The following CD200R1 variants were observed in gnomAD, a reference collection of about 807,000 sequenced individuals.
The protein encoded by CD200R1 is cell surface glycoprotein CD200 receptor 1.
CD200R1 carries 30 observed loss-of-function variants against 38.1 expected under a neutral mutation model. The observed-to-expected ratio is 0.79, with a 90% CI of 0.59 to 1.07. CD200R1 has a LOEUF of 1.07. CD200R1 is among the 50% of genes least tolerant of loss of function. The pLI is 0.00. For missense variants in CD200R1, 372 were observed against 415.4 expected, an observed-to-expected ratio of 0.90 and a Z score of 0.91; for synonymous variants, 128 against 152.1, an observed-to-expected ratio of 0.84 and a Z score of 1.16.
chr3:112,960,227 C>G (rs992064096), intron 1 of CD200R1, among the ~76,000 whole-genome samples: 17 of 151,984 alleles, frequency 1.1e-4, no homozygotes, highest in African/African-American at 3.9e-4. Flanking sequence ...AACACAGAAA[C>G]TTTTACTATG....
At chr3:112,928,772 A>T in intron 5 of CD200R1, 44 bp downstream of exon 5, 1 of 1,467,880 alleles carries the variant, frequency 6.8e-7, no homozygotes. Flanking sequence ...ACTCTTTTAA[A>T]AGAATGGAAA....
chr3:112,965,032 C>T (rs1351950777), intron 1 of CD200R1, among the ~76,000 whole-genome samples: 1 of 152,182 alleles, frequency 6.6e-6, no homozygotes, highest in South Asian at 2.1e-4. Context: ...ATTATAAGAC[C>T]TTCCCAGCCA....
intron 2 of CD200R1, among the ~76,000 whole-genome samples, chr3:112,933,025 G>A (rs115177771): frequency 0.021 from 3,264 of 152,232 alleles, 40 homozygotes; most frequent in South Asian, 0.048. Flanking sequence ...CTGACAGATT[G>A]TGCATTCACC....
intron 1 of CD200R1, among the ~76,000 whole-genome samples, chr3:112,968,184 A>T (rs1040745590): frequency 6.6e-6 from 1 of 152,212 alleles, no homozygotes; most frequent in African/African-American, 2.4e-5. Flanking sequence ...ACTAGAAATT[A>T]TGGGAAAGAA....
chr3:112,930,502 G>A (rs1229694652), intron 3 of CD200R1, among the ~76,000 whole-genome samples: 1 of 152,190 alleles, frequency 6.6e-6, no homozygotes, highest in African/African-American at 2.4e-5. Context: ...CATCCTACAA[G>A]CATCTTCCAA....
chr3:112,925,909 A>G (rs13319349), intron 5 of CD200R1, among the ~76,000 whole-genome samples: 1 of 152,288 alleles, frequency 6.6e-6, no homozygotes, highest in African/African-American at 2.4e-5. Flanking sequence ...AATTATTAAA[A>G]TAAAACTGCT....
chr3:112,972,698 G>T (rs1933340314), intron 1 of CD200R1, among the ~76,000 whole-genome samples: 1 of 152,084 alleles, frequency 6.6e-6, no homozygotes, highest in South Asian at 2.1e-4. Context: ...TTTACTAACT[G>T]CCAAGCTGCT....
intron 2 of CD200R1, among the ~76,000 whole-genome samples, chr3:112,933,477 A>T (rs1443732468): frequency 6.6e-6 from 1 of 152,228 alleles, no homozygotes; most frequent in Non-Finnish European, 1.5e-5. Context: ...TGGATTACAT[A>T]TAAATAAGCT....
rs1445578740 is a variant in CD200R1, at chr3:112,924,540, AAAAAT to A, written c.879-10_879-6del. The A allele has an allele frequency of 3.3e-6, 4 of 1,221,172 alleles. No individual in the cohort carries two copies. The highest frequency in any genetic ancestry group is 4.2e-6 in the Non-Finnish European group (4 of 942,376). The allele number at this position is 1,221,172 out of a possible 1,614,324, so 75.6% of individuals were successfully genotyped here. On this transcript the variant is annotated splice_region_variant and splice_polypyrimidine_tract_variant and intron_variant, in intron 6 of 7. Transcript: ENST00000308611. ...GTTTTATTCAATTTATATTTTCTATAAAAATAAAATAAATTGAAGTGAATGGAGGA... is the reference window on the plus strand; with the variant it reads ...GTTTTATTCAATTTATATTTTCTATAAAAATAAATTGAAGTGAATGGAGGA...
intron 3 of CD200R1, among the ~76,000 whole-genome samples, chr3:112,930,625 GGTAA>G (rs1178990147): frequency 1.3e-5 from 2 of 152,152 alleles, no homozygotes; most frequent in Non-Finnish European, 2.9e-5. Flanking sequence ...CTCTAACAAA[GGTAA>G]GTGTCAGTGA....
intron 1 of CD200R1, among the ~76,000 whole-genome samples, chr3:112,950,634 G>A (rs1428358498): frequency 6.6e-6 from 1 of 152,010 alleles, no homozygotes; most frequent in Non-Finnish European, 1.5e-5. Flanking sequence ...CTTTGCAAGT[G>A]CACATCGTAT....
At position 112,921,346 on chromosome 3, in the gene CD200R1, A is replaced by T. The variant is rs1940168360; in HGVS notation, c.*2331T>A. 6.6e-6 allele frequency: 1 copy of T among 152,088 alleles called. No homozygotes were observed. The highest frequency in any genetic ancestry group is 1.5e-5 in the Non-Finnish European group (1 of 67,992). The allele number at this position is 152,088 out of a possible 1,614,324, so 9.4% of individuals were successfully genotyped here. A position where few individuals can be genotyped will look rare whatever the true frequency, so the allele number is the denominator to read the frequency against. Reference sequence around the variant, plus strand: ...CTGTACACTTAAATATATCAATTATATCTCAGTAAAGCCGTTTTCAGAAGT... The same window carrying T: ...CTGTACACTTAAATATATCAATTATTTCTCAGTAAAGCCGTTTTCAGAAGT... On this transcript the variant is annotated 3_prime_UTR_variant, in exon 8 of 8. Coordinates refer to ENST00000308611, the MANE Select transcript of CD200R1 (RefSeq NM_138806.4).
chr3:112,965,864 G>T (rs994230484), intron 1 of CD200R1, among the ~76,000 whole-genome samples: 2 of 152,134 alleles, frequency 1.3e-5, no homozygotes, highest in Admixed American at 1.3e-4. Flanking sequence ...TAACTGGTCA[G>T]GCAGGATCCC....
intron 2 of CD200R1, among the ~76,000 whole-genome samples, chr3:112,944,402 T>C (rs1221916407): frequency 6.6e-6 from 1 of 151,924 alleles, no homozygotes; most frequent in Non-Finnish European, 1.5e-5. Flanking sequence ...TTTCCATAGA[T>C]ACATAAAAAG....
intron 2 of CD200R1, among the ~76,000 whole-genome samples, chr3:112,944,145 G>A (rs1940789045): frequency 6.6e-6 from 1 of 151,740 alleles, no homozygotes; most frequent in Non-Finnish European, 1.5e-5. Flanking sequence ...CATTCTATCA[G>A]GTTAGCATTA....
chr3:112,961,629 C>A (rs1336534168), intron 1 of CD200R1, among the ~76,000 whole-genome samples: 1 of 150,734 alleles, frequency 6.6e-6, no homozygotes. Context: ...ACATGGAAAC[C>A]ATAAAGAAAA....
chr3:112,923,658 G>T lies in CD200R1; in HGVS notation c.*19C>A, dbSNP rs1940217906. ...TGTATCTCGTTTGTTGTTGTTTCTT[G>T]GTACTAGAGTCCAACAACTTATAAA... On this transcript the variant is annotated 3_prime_UTR_variant, in exon 8 of 8. Transcript: ENST00000308611. 5 of 1,164,056 alleles carry T rather than the reference G, an allele frequency of 4.3e-6. No individual in the cohort carries two copies. Among genetic ancestry groups the T allele is most frequent in the Non-Finnish European group, 6.4e-6 (5 of 786,596 alleles). 72.1% of individuals were successfully genotyped at this position (1,164,056 alleles called of 1,614,324 possible).
chr3:112,972,115 G>A (rs759896149), intron 1 of CD200R1, among the ~76,000 whole-genome samples: 15 of 151,982 alleles, frequency 9.9e-5, no homozygotes, highest in Non-Finnish European at 2.1e-4. Context: ...ACATTAATAA[G>A]GACTTTTAAT....
intron 1 of CD200R1, among the ~76,000 whole-genome samples, chr3:112,948,371 CCCAA>C (rs1303308812): frequency 6.6e-6 from 1 of 152,100 alleles, no homozygotes; most frequent in African/African-American, 2.4e-5. Context: ...GAAAACGGTC[CCCAA>C]CCTTTTTGGC....
Sources: gnomAD v4.1 joint callset for allele counts (sites outside exome capture counted in the v4.1 genomes callset) on GRCh38, gnomAD v4.1.1 for gene constraint, MANE v1.5 for transcripts, NCBI Gene and HGNC (gene_info 2026-07-23, HGNC 2026-07-21) for gene names.